Variants in CYLC1 observed in about 807,000 individuals in gnomAD.
CYLC1 encodes cylicin 1, also known as cylicin-1.
In CYLC1, 2 loss-of-function variants were observed where a neutral mutation model predicts 31.6. The ratio of observed to expected loss-of-function variants is 0.06; its 90% CI spans 0.03 to 0.20. The LOEUF (loss-of-function observed/expected upper bound fraction) is 0.20, where lower values mean the gene tolerates loss of function less well. Among genes scored for constraint, CYLC1 ranks in the 10% least tolerant of loss-of-function variants. The pLI is 1.00. For synonymous variants in CYLC1, 185 were observed against 153.0 expected (o/e 1.21, Z -1.54); for missense variants, 595 against 424.1 (o/e 1.40, Z -3.54).
In CYLC1 at chrX:83,874,469, A is replaced by G; in HGVS notation, c.1761A>G (p.Thr587=). ...RGFRMSSKKT[T]FNEKGEKAST... is the part of the protein sequence containing the mutation. ...TCAGAATGTCATCCAAAAAGACTAC[A>G]TTCAATGAAAAAGGGGAAAAAGCAA... Residue 587 remains threonine (T), a synonymous_variant, in exon 4 of 5, where the codon ACA becomes ACG. Coordinates refer to ENST00000329312, the MANE Select transcript of CYLC1 (RefSeq NM_021118.3). 1 of 1,209,600 alleles carries G rather than the reference A, an allele frequency of 8.3e-7. No individual in the cohort carries two copies. Among genetic ancestry groups the G allele is most frequent in the Non-Finnish European group, 1.1e-6 (1 of 894,415 alleles).
chrX:83,873,583 C>T lies in CYLC1; in HGVS notation c.875C>T (p.Ala292Val), dbSNP rs770584734. 3.4e-6 allele frequency: 4 copies of T among 1,189,417 alleles called. No homozygotes were observed. The highest frequency in any genetic ancestry group is 4.5e-6 in the Non-Finnish European group (4 of 883,240). The change falls in exon 4 of 5, where the codon GCA becomes GTA. Residue 292 changes from alanine (A) to valine (V), a missense_variant. Transcript: ENST00000329312. ...KYTKKDTKKN[A>V]KKSSDAESED... is the part of the protein sequence containing the mutation. ...ACAAAGAAGGACACAAAAAAGAATG[C>T]AAAGAAAAGCTCTGATGCTGAATCT...
At chrX:83,883,432 G>A (rs971617203) in intron 4 of CYLC1, among the ~76,000 whole-genome samples, 5 of 111,594 alleles carry the variant, frequency 4.5e-5, no homozygotes, top group African/African-American at 6.5e-5. Context: ...CAAATATTCC[G>A]TGTCAGGCAC....
At chrX:83,877,310 C>T (rs1005117871) in intron 4 of CYLC1, among the ~76,000 whole-genome samples, 1 of 111,207 alleles carries the variant, frequency 9.0e-6, no homozygotes, top group Non-Finnish European at 1.9e-5. Context: ...TCCATTAACT[C>T]ATTATGTTGC....
chrX:83,871,409 T>A, intron 2 of CYLC1, 43 bp from the exon 3 acceptor site: 1 of 1,012,746 alleles, frequency 9.9e-7, no homozygotes, highest in Non-Finnish European at 1.4e-6. Flanking sequence ...CTGTGGAAAA[T>A]CTGACATTAA....
At position 83,873,112 on chromosome X, in the gene CYLC1, G is replaced by A. The variant is rs866305578; in HGVS notation, c.404G>A (p.Gly135Glu). 3.4e-6 allele frequency: 4 copies of A among 1,193,373 alleles called. No homozygotes were observed. Among genetic ancestry groups the A allele is most frequent in the Non-Finnish European group, 3.4e-6 (3 of 887,650 alleles). The change falls in exon 4 of 5, where the codon GGA (glycine) becomes GAA (glutamate). Residue 135 changes from glycine (G) to glutamate (E), a missense_variant. By Grantham distance (98) the Gly-to-Glu change is moderately conservative. Transcript: ENST00000329312. ...TPLKKDSKKKGGSYATNPESK... is the reference protein window; with the variant it reads ...TPLKKDSKKKEGSYATNPESK... ...TTGAAGAAAGATTCCAAGAAAAAAG[G>A]AGGTTCATATGCAACAAATCCAGAA...
At chrX:83,882,956 T>C (rs987896424) in intron 4 of CYLC1, among the ~76,000 whole-genome samples, 3 of 111,066 alleles carry the variant, frequency 2.7e-5, no homozygotes, top group Admixed American at 1.9e-4. Context: ...AAATGAGAAA[T>C]ATAGTACCTA....
intron 4 of CYLC1, among the ~76,000 whole-genome samples, chrX:83,876,468 G>T (rs940769347): frequency 9.0e-6 from 1 of 111,185 alleles, no homozygotes; most frequent in African/African-American, 3.3e-5. Flanking sequence ...TGAATACAAG[G>T]ATTAATTTTA....
In CYLC1 at chrX:83,871,524, G is replaced by A. The variant is rs773052157; in HGVS notation, c.131G>A (p.Gly44Asp). The change falls in exon 3 of 5, where the codon GGT becomes GAT. Residue 44 changes from glycine (G) to aspartate (D), a missense_variant. Coordinates refer to ENST00000329312, the MANE Select transcript of CYLC1 (RefSeq NM_021118.3). The part of the protein sequence containing the change: ...ALTFPKPLQR[G>D]TNDKSRPLKS... ...ACATTTCCCAAACCACTCCAGAGAG[G>A]TACAAATGATAAATCAAGACCTTTG... The A allele has an allele frequency of 4.2e-6, 5 of 1,201,337 alleles. No individual in the cohort carries two copies. Among genetic ancestry groups the A allele is most frequent in the Non-Finnish European group, 3.4e-6 (3 of 890,506 alleles).
chrX:83,878,322 A>T (rs867759447), intron 4 of CYLC1, among the ~76,000 whole-genome samples: 1 of 6,406 alleles, frequency 1.6e-4, no homozygotes, highest in African/African-American at 1.2e-3. Context: ...AATATATATA[A>T]ATATATAAAT....
At chrX:83,872,430 G>C (rs1315225393) in intron 3 of CYLC1, among the ~76,000 whole-genome samples, 3 of 110,273 alleles carry the variant, frequency 2.7e-5, no homozygotes, top group Admixed American at 1.9e-4. Flanking sequence ...GTAGAAATTA[G>C]GCTAGGGTTT....
intron 4 of CYLC1, among the ~76,000 whole-genome samples, chrX:83,877,338 T>C (rs1395481031): frequency 1.8e-5 from 2 of 111,362 alleles, no homozygotes; most frequent in African/African-American, 6.5e-5. Context: ...GGTCTTGAAC[T>C]CCTGGGCTCA....
intron 1 of CYLC1, among the ~76,000 whole-genome samples, chrX:83,864,476 T>C (rs754925674): frequency 1.4e-4 from 16 of 111,252 alleles, no homozygotes; most frequent in African/African-American, 5.2e-4. Flanking sequence ...CCATTTTCTG[T>C]CAGCTTTATA....
intron 4 of CYLC1, among the ~76,000 whole-genome samples, chrX:83,876,445 A>G (rs771206841): frequency 1.3e-4 from 15 of 111,607 alleles, no homozygotes; most frequent in Non-Finnish European, 2.1e-4. Context: ...TAAATAAAAT[A>G]TAAGAAAAAA....
At chrX:83,863,006 A>G (rs1285302139) in intron 1 of CYLC1, among the ~76,000 whole-genome samples, 1 of 111,393 alleles carries the variant, frequency 9.0e-6, no homozygotes, top group Non-Finnish European at 1.9e-5. Flanking sequence ...ATCTCATGTC[A>G]TCAACTTATA....
At chrX:83,871,609 A>G (rs751741613) in intron 3 of CYLC1, 39 bp downstream of exon 3, 4 of 1,130,296 alleles carry the variant, frequency 3.5e-6, no homozygotes, top group Admixed American at 5.0e-5. Context: ...ACGAAATCTA[A>G]GTTGGTAAAG....
intron 4 of CYLC1, among the ~76,000 whole-genome samples, chrX:83,877,835 G>C (rs1434960106): frequency 1.1e-5 from 1 of 88,923 alleles, no homozygotes; most frequent in African/African-American, 4.1e-5. Flanking sequence ...TTCAACATCA[G>C]AATTCAGGTT....
chrX:83,874,785 C>T (rs1251663294), intron 4 of CYLC1, among the ~76,000 whole-genome samples, 154 bp downstream of exon 4: 1 of 110,878 alleles, frequency 9.0e-6, no homozygotes, highest in Non-Finnish European at 1.9e-5. Flanking sequence ...AAGAATACCT[C>T]ACAAGGATGC....
chrX:83,878,464 AAT>A (rs374168711), intron 4 of CYLC1, among the ~76,000 whole-genome samples: 29 of 21,080 alleles, frequency 1.4e-3, no homozygotes, highest in South Asian at 2.0e-3. Flanking sequence ...AATATATATA[AAT>A]ATATATATAA....
At chrX:83,882,487 T>C (rs1312017860) in intron 4 of CYLC1, among the ~76,000 whole-genome samples, 1 of 111,235 alleles carries the variant, frequency 9.0e-6, no homozygotes, top group Admixed American at 9.7e-5. Flanking sequence ...TATGGTCTTG[T>C]CTGTACCTAC....
Sources: allele counts gnomAD v4.1 joint callset (sites outside exome capture counted in the v4.1 genomes callset), GRCh38; gene constraint gnomAD v4.1.1; transcripts MANE v1.5; gene names NCBI Gene and HGNC (gene_info 2026-07-23, HGNC 2026-07-21).